ZBBX: variants seen among roughly 807,000 people sequenced by gnomAD.
ZBBX encodes zinc finger B-box domain-containing protein 1.
Under a neutral mutation model 108.5 loss-of-function variants are expected in ZBBX, and 101 were observed. The ratio of observed to expected loss-of-function variants is 0.93; its 90% CI spans 0.79 to 1.10. The LOEUF (loss-of-function observed/expected upper bound fraction) is 1.10, where lower values mean the gene tolerates loss of function less well. ZBBX is among the 50% of genes least tolerant of loss of function. The pLI is 0.00. For synonymous variants in ZBBX, 356 were observed against 323.4 expected, an observed-to-expected ratio of 1.10 and a Z score of -1.08; for missense variants, 1,009 against 941.4, an observed-to-expected ratio of 1.07 and a Z score of -0.94.
chr3:167,247,255 C>T lies in ZBBX; in HGVS notation c.2255-4612G>A, dbSNP rs539569380. 3.9e-3 allele frequency among the ~76,000 whole-genome samples: 594 copies of T among 152,206 alleles called. 2 individuals carry two copies. Among genetic ancestry groups the T allele is most frequent in the Non-Finnish European group, 6.4e-3 (433 of 68,012 alleles). On this transcript the variant is annotated intron_variant, in intron 20 of 21. Transcript: ENST00000675490. Reference sequence around the variant, plus strand: ...GGTTGGACGGCAAGAGGACGTCAAGCGATCATGCTGGCAAAAGAGTACACT... The same window carrying T: ...GGTTGGACGGCAAGAGGACGTCAAGTGATCATGCTGGCAAAAGAGTACACT...
intron 20 of ZBBX, among the ~76,000 whole-genome samples, chr3:167,276,120 C>T (rs1727528436): frequency 6.6e-6 from 1 of 152,148 alleles, no homozygotes; most frequent in African/African-American, 2.4e-5. Context: ...ACACCAAAAA[C>T]CCATCTGTAC....
At chr3:167,392,655 G>A (rs995367850) in intron 1 of ZBBX, 1 of 151,816 alleles carries the variant, frequency 6.6e-6, no homozygotes, top group African/African-American at 2.4e-5. Flanking sequence ...TACAAAAGGA[G>A]CTAGAGATAT....
At chr3:167,280,556 A>G (rs1275243299) in intron 20 of ZBBX, among the ~76,000 whole-genome samples, 1 of 150,564 alleles carries the variant, frequency 6.6e-6, no homozygotes, top group Non-Finnish European at 1.5e-5. Flanking sequence ...ACAATGAGAT[A>G]CCATCTCACA....
At chr3:167,288,739 A>C (rs1397472021) in intron 19 of ZBBX, 128 bp downstream of exon 19, 3 of 466,972 alleles carry the variant, frequency 6.4e-6, no homozygotes, top group Non-Finnish European at 1.1e-5. Flanking sequence ...CATTTAGTTA[A>C]AATGAATGAA....
intron 5 of ZBBX, chr3:167,367,055 C>T (rs913689562): frequency 1.4e-5 from 5 of 357,384 alleles, no homozygotes; most frequent in African/African-American, 8.5e-5. Flanking sequence ...ATAATGAACA[C>T]ATTTGAATTG....
chr3:167,258,825 T>C (rs1723967379), intron 20 of ZBBX, among the ~76,000 whole-genome samples: 1 of 152,138 alleles, frequency 6.6e-6, no homozygotes, highest in Non-Finnish European at 1.5e-5. Context: ...ATAAAATCTA[T>C]TTGATCAAGG....
rs1454372168 is a variant in ZBBX, at chr3:167,315,803, T to C, written c.1221A>G (p.Ala407=). The change falls in exon 15 of 22, where the codon GCA becomes GCG. Residue 407 remains alanine, a synonymous_variant. Transcript: ENST00000675490. ...TAACTTTGTAAGGCACAATATTTTC[T>C]GCTTCTTCAAATTCCTCTTCATAAG... ...DDTYEEEFEE[A]ENIVPYKVKL... is the part of the protein sequence containing the mutation. 2 of 1,606,766 alleles carry C rather than the reference T, an allele frequency of 1.2e-6. No individual in the cohort carries two copies. The highest frequency in any genetic ancestry group is 2.7e-5 in the African/African-American group (2 of 74,826).
At chr3:167,358,242 C>A (rs531046567) in intron 8 of ZBBX, among the ~76,000 whole-genome samples, 140 of 151,330 alleles carry the variant, frequency 9.3e-4, no homozygotes, top group Non-Finnish European at 1.6e-3. Flanking sequence ...TATGAATAAG[C>A]CTTGAGGATA....
At chr3:167,343,528 C>A (rs1740917013) in intron 9 of ZBBX, among the ~76,000 whole-genome samples, 1 of 152,018 alleles carries the variant, frequency 6.6e-6, no homozygotes, top group African/African-American at 2.4e-5. Flanking sequence ...CACTAAAGTG[C>A]AGGCTACTGA....
chr3:167,277,585 G>C (rs1364293451), intron 20 of ZBBX, among the ~76,000 whole-genome samples: 13 of 151,596 alleles, frequency 8.6e-5, no homozygotes, highest in South Asian at 4.2e-4. Context: ...ACAGGAGCAA[G>C]CAGATTCATA....
the ZBBX span, among the ~76,000 whole-genome samples, chr3:167,227,101 A>T: frequency 1.3e-5 from 2 of 151,794 alleles, no homozygotes. Flanking sequence ...AGTATCTCTA[A>T]CTACAATCTA....
intron 18 of ZBBX, among the ~76,000 whole-genome samples, chr3:167,293,008 T>C (rs573581125): frequency 1.3e-5 from 2 of 152,266 alleles, no homozygotes; most frequent in African/African-American, 4.8e-5. Context: ...AGGAAGAAGT[T>C]GAATCCCTGA....
the ZBBX span, among the ~76,000 whole-genome samples, chr3:167,210,447 T>A: frequency 6.6e-6 from 1 of 152,184 alleles, no homozygotes; most frequent in African/African-American, 2.4e-5. Flanking sequence ...TAAGAATTAT[T>A]TGACTTACAG....
intron 18 of ZBBX, 138 bp downstream of exon 18, chr3:167,298,167 T>A (rs997741096): frequency 7.0e-6 from 4 of 573,208 alleles, no homozygotes; most frequent in Non-Finnish European, 8.2e-6. Context: ...TAACCTTAAA[T>A]GTAAATATAT....
At chr3:167,382,703 G>A (rs955749264), upstream of ZBBX, among the ~76,000 whole-genome samples, 1 of 151,952 alleles carries the variant, frequency 6.6e-6, no homozygotes, top group African/African-American at 2.4e-5. Flanking sequence ...CTAGAATACT[G>A]TTTAAGATAA....
intron 9 of ZBBX, among the ~76,000 whole-genome samples, chr3:167,338,246 G>T (rs1221005274): frequency 6.6e-6 from 1 of 152,104 alleles, no homozygotes; most frequent in African/African-American, 2.4e-5. Flanking sequence ...TGCCTAGAAT[G>T]ATATTATCTT....
the ZBBX span, among the ~76,000 whole-genome samples, chr3:167,202,744 A>G: frequency 1.3e-5 from 2 of 152,112 alleles, no homozygotes; most frequent in African/African-American, 4.8e-5. Flanking sequence ...AATGAGCAGC[A>G]TGTTTCAGTG....
chr3:167,290,454 G>A (rs1730485591), intron 18 of ZBBX, among the ~76,000 whole-genome samples: 1 of 152,210 alleles, frequency 6.6e-6, no homozygotes, highest in South Asian at 2.1e-4. Flanking sequence ...CAGACATGCA[G>A]CAGAGGAGCT....
At chr3:167,342,734 T>A (rs1010164015) in intron 9 of ZBBX, among the ~76,000 whole-genome samples, 2 of 151,696 alleles carry the variant, frequency 1.3e-5, no homozygotes, top group East Asian at 3.9e-4. Context: ...GTATTTGTCC[T>A]TCTGTAACTT....
Sources: gnomAD v4.1 joint callset for allele counts (sites outside exome capture counted in the v4.1 genomes callset) on GRCh38, gnomAD v4.1.1 for gene constraint, MANE v1.5 for transcripts, NCBI Gene and HGNC (gene_info 2026-07-23, HGNC 2026-07-21) for gene names.